The following ADCY8 variants were observed in gnomAD, a reference collection of about 807,000 sequenced individuals.
The protein encoded by ADCY8 is adenylate cyclase 8, also known as adenylate cyclase type 8.
A neutral mutation model predicts 119.7 loss-of-function variants in ADCY8; 51 were observed. The ratio of observed to expected loss-of-function variants is 0.43; its 90% CI spans 0.34 to 0.54. The LOEUF is 0.54. ADCY8 is among the 20% of genes least tolerant of loss of function. The pLI, the probability that ADCY8 is intolerant of heterozygous loss-of-function variation, is 0.03. For missense variants in ADCY8, 1,383 were observed against 1,598.8 expected, an observed-to-expected ratio of 0.87 and a Z score of 2.30; for synonymous variants, 665 against 651.0, an observed-to-expected ratio of 1.02 and a Z score of -0.33.
rs116087430 is a variant in ADCY8 at position 130,893,635 on chromosome 8, G to C, written c.1912-8874C>G. Among the ~76,000 whole-genome samples the C allele has an allele frequency of 3.8e-3, 572 of 151,372 alleles. 6 individuals carry two copies. Among genetic ancestry groups the C allele is most frequent in the African/African-American group, 0.012 (509 of 41,228 alleles). On this transcript the variant is annotated intron_variant, in intron 7 of 17. Transcript: ENST00000286355. ...TCAAAGATGTGGATTTTTTAGAGGTGTCAATACCATGGGGAGAAGAAGGTG... is the reference window on the plus strand; with the variant it reads ...TCAAAGATGTGGATTTTTTAGAGGTCTCAATACCATGGGGAGAAGAAGGTG...
chr8:130,782,715 A>C (rs2130035108), intron 17 of ADCY8, among the ~76,000 whole-genome samples: 1 of 152,378 alleles, frequency 6.6e-6, no homozygotes, highest in South Asian at 2.1e-4. Context: ...CATCCCATCC[A>C]TAGATCAAAA....
At chr8:130,928,084 G>A (rs749483512) in intron 5 of ADCY8, among the ~76,000 whole-genome samples, 7 of 151,970 alleles carry the variant, frequency 4.6e-5, no homozygotes, top group Admixed American at 2.6e-4. Flanking sequence ...GCTTGGGGGA[G>A]GTCAATTTGA....
chr8:130,851,064 T>C (rs1387223849), intron 9 of ADCY8, among the ~76,000 whole-genome samples: 1 of 152,224 alleles, frequency 6.6e-6, no homozygotes, highest in African/African-American at 2.4e-5. Flanking sequence ...ACCGTTCTGA[T>C]ATTCTAATCA....
chr8:130,932,830 C>T (rs1428806479), intron 5 of ADCY8, among the ~76,000 whole-genome samples: 1 of 152,208 alleles, frequency 6.6e-6, no homozygotes, highest in Admixed American at 6.5e-5. Flanking sequence ...TATTGGCACC[C>T]TATCCTACCC....
At chr8:130,841,167 T>A (rs11780751) in intron 11 of ADCY8, among the ~76,000 whole-genome samples, 26,704 of 152,136 alleles carry the variant, frequency 0.18, 2,748 homozygotes, top group East Asian at 0.24. Flanking sequence ...AAAGTAGATG[T>A]AACAATTAAA....
chr8:130,903,941 T>C lies in ADCY8; in HGVS notation c.1742A>G (p.Asn581Ser), dbSNP rs1370553445. Residue 581 changes from asparagine (N) to serine (S), a missense_variant, in exon 7 of 18, where the codon AAT (asparagine) becomes AGT (serine). Physicochemically the swap from Asn to Ser is conservative, Grantham distance 46. This residue lies in a region of ADCY8 where 928 missense variants were observed against 1,163.5 expected (regional missense o/e 0.80). Transcript: ENST00000286355. The part of the protein sequence containing the change: ...KERNEFLRKH[N>S]IETYLIKQPE... Reference sequence around the variant, plus strand: ...CTGCTTAATTAAGTAAGTTTCGATATTATGCTTCCTCAGGAATTCATTCCT... The same window carrying C: ...CTGCTTAATTAAGTAAGTTTCGATACTATGCTTCCTCAGGAATTCATTCCT... The C allele has an allele frequency of 6.8e-6, 11 of 1,614,052 alleles. No individual in the cohort carries two copies. The highest frequency in any genetic ancestry group is 2.2e-5 in the East Asian group (1 of 44,874).
chr8:131,010,957 A>C (rs562337725), intron 1 of ADCY8, among the ~76,000 whole-genome samples: 1 of 152,362 alleles, frequency 6.6e-6, no homozygotes, highest in Non-Finnish European at 1.5e-5. Flanking sequence ...ACCTAACCCC[A>C]GTGAAGCAGT....
chr8:131,037,948 C>A (rs1439908367), intron 1 of ADCY8, among the ~76,000 whole-genome samples: 1 of 152,144 alleles, frequency 6.6e-6, no homozygotes, highest in Non-Finnish European at 1.5e-5. Context: ...TCAATCAACC[C>A]TTACTCAGAG....
At chr8:131,030,280 C>A (rs1342289979) in intron 1 of ADCY8, among the ~76,000 whole-genome samples, 1 of 152,114 alleles carries the variant, frequency 6.6e-6, no homozygotes, top group African/African-American at 2.4e-5. Context: ...AGGTCACCAG[C>A]CTTGTGACAA....
chr8:130,973,798 C>T (rs1288340377), intron 2 of ADCY8, among the ~76,000 whole-genome samples: 1 of 152,148 alleles, frequency 6.6e-6, no homozygotes, highest in Non-Finnish European at 1.5e-5. Context: ...CTCATGTGAT[C>T]CTCACAGCTA....
intron 2 of ADCY8, among the ~76,000 whole-genome samples, chr8:130,953,561 G>A (rs984452477): frequency 1.8e-4 from 28 of 152,148 alleles, no homozygotes; most frequent in African/African-American, 6.8e-4. Flanking sequence ...GGTGAGATGG[G>A]AAAAGTCTTG....
At chr8:130,839,542 G>C (rs1374758219) in intron 11 of ADCY8, among the ~76,000 whole-genome samples, 1 of 140,186 alleles carries the variant, frequency 7.1e-6, no homozygotes, top group Admixed American at 7.2e-5. Context: ...AGCTACAGAA[G>C]TATTATGGCT....
chr8:131,010,496 T>G (rs936374400), intron 1 of ADCY8, among the ~76,000 whole-genome samples: 1 of 151,900 alleles, frequency 6.6e-6, no homozygotes, highest in African/African-American at 2.4e-5. Flanking sequence ...CCATTTTAAT[T>G]AAATATTTGG....
At chr8:130,824,369 T>C (rs1816609322) in intron 12 of ADCY8, among the ~76,000 whole-genome samples, 1 of 152,162 alleles carries the variant, frequency 6.6e-6, no homozygotes, top group African/African-American at 2.4e-5. Flanking sequence ...AATCCAAGAC[T>C]GAGTTGTTAA....
At chr8:131,011,150 G>T (rs1391700309) in intron 1 of ADCY8, among the ~76,000 whole-genome samples, 1 of 147,846 alleles carries the variant, frequency 6.8e-6, no homozygotes, top group Non-Finnish European at 1.5e-5. Flanking sequence ...GCAATGAAAG[G>T]TGCATATTAA....
At chr8:130,854,246 C>T (rs1817634440) in intron 9 of ADCY8, among the ~76,000 whole-genome samples, 1 of 152,186 alleles carries the variant, frequency 6.6e-6, no homozygotes, top group Admixed American at 6.5e-5. Context: ...ATTGTTGGTG[C>T]ACATAAGAGG....
chr8:130,879,529 G>T (rs543333668), intron 8 of ADCY8, among the ~76,000 whole-genome samples: 1 of 152,266 alleles, frequency 6.6e-6, no homozygotes, highest in Non-Finnish European at 1.5e-5. Context: ...CACAATTTTT[G>T]AGGGCAACTT....
intron 15 of ADCY8, among the ~76,000 whole-genome samples, chr8:130,787,934 G>A (rs925835314): frequency 6.6e-5 from 10 of 152,158 alleles, no homozygotes; most frequent in African/African-American, 2.4e-4. Flanking sequence ...TGTGTTCGGG[G>A]CAGTCAGGCG....
In ADCY8 at chr8:130,836,422, T is replaced by C; in HGVS notation, c.2530A>G (p.Met844Val). The change falls in exon 12 of 18, where the codon ATG becomes GTG. Residue 844 changes from methionine to valine, a missense_variant. Met to Val is a conservative substitution (Grantham distance 21, BLOSUM62 1). Around this residue, in one of 2 missense-constraint regions of ADCY8, gnomAD observed 928 missense variants for 1,163.5 expected, o/e 0.80. Coordinates refer to ENST00000286355, the MANE Select transcript of ADCY8 (RefSeq NM_001115.3). ...CGGAGGAAAACTGCACAGGTCACCA[T>C]GGCCAACACCCCCGTGAAGACAAAG... ...EYFVFTGVLA[M>V]VTCAVFLRLN... is the part of the protein sequence containing the mutation. The C allele has an allele frequency of 6.2e-7, 1 of 1,613,902 alleles. No homozygotes were observed. Among genetic ancestry groups the C allele is most frequent in the Non-Finnish European group, 8.5e-7 (1 of 1,179,866 alleles).
Sources: gnomAD v4.1 joint callset for allele counts (sites outside exome capture counted in the v4.1 genomes callset) on GRCh38, gnomAD v4.1.1 for gene constraint, gnomAD v4.1.1 regional missense constraint, MANE v1.5 for transcripts, NCBI Gene and HGNC (gene_info 2026-07-23, HGNC 2026-07-21) for gene names.